The following ANKMY2 variants were observed in gnomAD, a reference collection of about 807,000 sequenced individuals.
ANKMY2 encodes the protein ankyrin repeat and MYND domain-containing protein 2.
ANKMY2 carries 36 observed loss-of-function variants against 50.4 expected under a neutral mutation model. The observed-to-expected ratio is 0.71, with a 90% CI of 0.55 to 0.94. ANKMY2 has a LOEUF of 0.94. Ranked by LOEUF, ANKMY2 falls within the 40% of genes least tolerant of loss-of-function variation. The pLI is 0.00. For missense variants in ANKMY2, 565 were observed against 524.0 expected (o/e 1.08, Z -0.76); for synonymous variants, 187 against 178.8 (o/e 1.05, Z -0.36).
intron 3 of ANKMY2, 115 bp from the exon 4 acceptor site, chr7:16,625,196 T>C (rs1352440360): frequency 3.0e-6 from 2 of 676,032 alleles, no homozygotes; most frequent in Non-Finnish European, 4.9e-6. Context: ...TTCTGTCATG[T>C]GGATATTTTC....
chr7:16,610,660 C>T lies in ANKMY2; in HGVS notation c.635G>A (p.Arg212Lys), dbSNP rs2128342535. ...CATAGCCAATACTTCATTCATGTCT[C>T]TTTGCTTCATACATTTCTCACAAAT... ...DLICEKCMKQ[R>K]DMNEVLAMKM... The change falls in exon 6 of 10, where the codon AGA becomes AAA. Residue 212 changes from arginine (R) to lysine (K), a missense_variant. Coordinates refer to ENST00000306999, the MANE Select transcript of ANKMY2 (RefSeq NM_020319.3). 6.2e-7 allele frequency: 1 copy of T among 1,614,014 alleles called. No individual in the cohort carries two copies. Among genetic ancestry groups the T allele is most frequent in the Non-Finnish European group, 8.5e-7 (1 of 1,179,938 alleles).
intron 2 of ANKMY2, among the ~76,000 whole-genome samples, chr7:16,634,368 G>A (rs1781628384): frequency 6.6e-6 from 1 of 152,154 alleles, no homozygotes; most frequent in Non-Finnish European, 1.5e-5. Context: ...CAATTGCCTA[G>A]CTTATAACCT....
chr7:16,640,158 C>A (rs1419685678), intron 1 of ANKMY2, among the ~76,000 whole-genome samples: 1 of 151,706 alleles, frequency 6.6e-6, no homozygotes, highest in African/African-American at 2.4e-5. Context: ...AAGAGCGAGA[C>A]TCTGTCTCAA....
At chr7:16,626,929 AAAAC>A in intron 3 of ANKMY2, 107 bp downstream of exon 3, 1 of 937,260 alleles carries the variant, frequency 1.1e-6, no homozygotes, top group Non-Finnish European at 1.4e-6. Flanking sequence ...TCCTTTCCAT[AAAAC>A]TTGACCATAA....
chr7:16,622,887 T>G (rs1781460690), intron 4 of ANKMY2, among the ~76,000 whole-genome samples: 1 of 152,206 alleles, frequency 6.6e-6, no homozygotes, highest in African/African-American at 2.4e-5. Flanking sequence ...AAGTACTAAC[T>G]TGTAAAACAT....
chr7:16,632,672 T>C (rs1486526857), intron 2 of ANKMY2, among the ~76,000 whole-genome samples: 2 of 152,274 alleles, frequency 1.3e-5, no homozygotes, highest in African/African-American at 4.8e-5. Flanking sequence ...ATTTGGGTTG[T>C]ATCTACCTTT....
intron 4 of ANKMY2, among the ~76,000 whole-genome samples, chr7:16,616,495 T>C (rs1175906611): frequency 6.6e-6 from 1 of 152,030 alleles, no homozygotes; most frequent in African/African-American, 2.4e-5. Context: ...CTCTAAGCCA[T>C]CTCTAGTTAA....
At chr7:16,643,931 T>G (rs1272697030) in intron 1 of ANKMY2, among the ~76,000 whole-genome samples, 1 of 148,534 alleles carries the variant, frequency 6.7e-6, no homozygotes, top group African/African-American at 2.6e-5. Context: ...TCCCAGCCAC[T>G]AGGGAGGTGG....
intron 2 of ANKMY2, among the ~76,000 whole-genome samples, chr7:16,629,838 G>A (rs1781556484): frequency 6.6e-6 from 1 of 152,106 alleles, no homozygotes; most frequent in Non-Finnish European, 1.5e-5. Flanking sequence ...GCATTATCTT[G>A]GTTCTAGTAC....
chr7:16,619,023 A>G (rs1423235359), intron 4 of ANKMY2, among the ~76,000 whole-genome samples: 1 of 152,266 alleles, frequency 6.6e-6, no homozygotes, highest in African/African-American at 2.4e-5. Context: ...TTAGCTTATA[A>G]CTGTATCTTC....
At chr7:16,628,847 A>T (rs1248273563) in intron 2 of ANKMY2, among the ~76,000 whole-genome samples, 5 of 152,178 alleles carry the variant, frequency 3.3e-5, no homozygotes, top group Admixed American at 1.3e-4. Context: ...CCAACCTACA[A>T]CAAGAGGTTA....
rs1360341334 is a variant in ANKMY2, at chr7:16,604,692, C to G, written c.1011+29G>C. The G allele has an allele frequency of 1.9e-6, 3 of 1,607,646 alleles. No homozygotes were observed. In the Admixed American group the frequency reaches 5.0e-5, roughly 27 times the overall value. On this transcript the variant is annotated intron_variant, in intron 8 of 9. Transcript: ENST00000306999. ...GCTTGGCTGCATCTAAACCAGAGGTCAATGAAATAAAAAGAACTCCATTCT... is the reference window on the plus strand; with the variant it reads ...GCTTGGCTGCATCTAAACCAGAGGTGAATGAAATAAAAAGAACTCCATTCT...
chr7:16,625,691 G>C lies in ANKMY2; in HGVS notation c.272-610C>G, dbSNP rs146169349. On this transcript the variant is annotated intron_variant, in intron 3 of 9. Coordinates refer to ENST00000306999, the MANE Select transcript of ANKMY2 (RefSeq NM_020319.3). ...GAACAGTTCCTGGGAAATATTGCCA[G>C]ATCAAAGATTATGCATATTTTAAAT... 9.2e-5 allele frequency among the ~76,000 whole-genome samples: 14 copies of C among 152,214 alleles called. No individual in the cohort carries two copies. In the East Asian group the frequency reaches 2.5e-3, roughly 27 times the overall value.
intron 3 of ANKMY2, among the ~76,000 whole-genome samples, 170 bp downstream of exon 3, chr7:16,626,870 T>C (rs926218390): frequency 4.6e-5 from 7 of 152,248 alleles, no homozygotes; most frequent in African/African-American, 1.2e-4. Context: ...AAATTCACTA[T>C]ATAATTTATT....
chr7:16,614,349 G>A (rs1464195269), intron 5 of ANKMY2, among the ~76,000 whole-genome samples: 2 of 152,202 alleles, frequency 1.3e-5, no homozygotes, highest in Non-Finnish European at 2.9e-5. Context: ...TGCCCACTTA[G>A]TATCACAAGT....
intron 4 of ANKMY2, among the ~76,000 whole-genome samples, chr7:16,617,733 A>C (rs533184501): frequency 6.6e-6 from 1 of 152,224 alleles, no homozygotes; most frequent in South Asian, 2.1e-4. Flanking sequence ...TGGGAGGCTG[A>C]GGCAGGAGGA....
Position 16,603,289 on chromosome 7 carries a change from C to T in ANKMY2, c.1012-780G>A, listed in dbSNP as rs369984843. Reference sequence around the variant, plus strand: ...AGGGAGAGAGGCAGGCACCTAAATACATAATTTCTTAACACAGTACAGGAT... The same window carrying T: ...AGGGAGAGAGGCAGGCACCTAAATATATAATTTCTTAACACAGTACAGGAT... On this transcript the variant is annotated intron_variant, in intron 8 of 9. Transcript: ENST00000306999. 3.7e-4 allele frequency among the ~76,000 whole-genome samples: 56 copies of T among 152,244 alleles called. 1 individual carries two copies. The East Asian group carries it at 0.01, about 28-fold the overall frequency.
intron 9 of ANKMY2, 72 bp from the exon 10 acceptor site, chr7:16,601,017 T>C: frequency 8.4e-7 from 1 of 1,195,800 alleles, no homozygotes; most frequent in Non-Finnish European, 1.1e-6. Flanking sequence ...TTTACATGTA[T>C]TATTTAATCT....
chr7:16,634,715 C>G (rs1309170087), intron 2 of ANKMY2, among the ~76,000 whole-genome samples: 1 of 152,114 alleles, frequency 6.6e-6, no homozygotes, highest in African/African-American at 2.4e-5. Flanking sequence ...TTGAAAACCT[C>G]AAGCATCTGA....
Sources: gnomAD v4.1 joint callset for allele counts (sites outside exome capture counted in the v4.1 genomes callset) on GRCh38, gnomAD v4.1.1 for gene constraint, MANE v1.5 for transcripts, NCBI Gene and HGNC (gene_info 2026-07-23, HGNC 2026-07-21) for gene names.